The following TMEM74 variants were observed in gnomAD, a reference collection of about 807,000 sequenced individuals.
TMEM74 encodes the protein transmembrane protein 74.
In TMEM74, 13 loss-of-function variants were observed where a neutral mutation model predicts 18.1. The ratio of observed to expected loss-of-function variants is 0.72; its 90% CI spans 0.47 to 1.14. The LOEUF is 1.14. Ranked by LOEUF, TMEM74 falls within the 50% of genes most tolerant of loss-of-function variation. TMEM74 has a pLI of 0.00. For missense variants in TMEM74, 372 were observed against 375.9 expected, an observed-to-expected ratio of 0.99 and a Z score of 0.09; for synonymous variants, 159 against 146.6, an observed-to-expected ratio of 1.08 and a Z score of -0.61.
In TMEM74 at chr8:108,784,485, T is replaced by C; in HGVS notation, c.614A>G (p.Asp205Gly). ...CTCCCGGGCTGCCACAGTGTTGGGG[T>C]CCACAGTCACTTCCCGTGGGACGAT... is the stretch of plus-strand genomic sequence containing the variant. ...SYIVPREVTV[D>G]PNTVAAREME... Residue 205 changes from aspartate to glycine, a missense_variant, in exon 2 of 2, where the codon GAC becomes GGC. Coordinates refer to ENST00000297459, the MANE Select transcript of TMEM74 (RefSeq NM_153015.3). The C allele has an allele frequency of 6.2e-7, 1 of 1,614,108 alleles. No individual in the cohort carries two copies. The highest frequency in any genetic ancestry group is 8.5e-7 in the Non-Finnish European group (1 of 1,180,030).
rs188091008 is a variant in TMEM74, at chr8:108,767,957, A to G, written n.119+19519T>C. On this transcript the variant is annotated intron_variant and non_coding_transcript_variant, in intron 1 of 3. Transcript: ENST00000518838. ...TTGAAATCAAATGATACGCTTCCAC[A>G]TGTATTTGTAAAAATTTCATGAAAA... Among the ~76,000 whole-genome samples the G allele has an allele frequency of 1.5e-4, 23 of 152,224 alleles. No homozygotes were observed. The East Asian group carries it at 2.1e-3, about 14-fold the overall frequency.
At chr8:108,726,327 C>T (rs1173907195) in intron 1 of TMEM74, among the ~76,000 whole-genome samples, 1 of 152,110 alleles carries the variant, frequency 6.6e-6, no homozygotes, top group Non-Finnish European at 1.5e-5. Context: ...GTTTATGTGT[C>T]ACTTGGAAAG....
chr8:108,618,144 G>A (rs987192124), intron 2 of TMEM74, among the ~76,000 whole-genome samples: 1 of 152,138 alleles, frequency 6.6e-6, no homozygotes, highest in African/African-American at 2.4e-5. Context: ...AGCCTTTTAT[G>A]CCTATTGCCT....
chr8:108,695,225 G>A (rs1456163557), intron 1 of TMEM74, among the ~76,000 whole-genome samples: 2 of 152,068 alleles, frequency 1.3e-5, no homozygotes, highest in African/African-American at 4.8e-5. Context: ...TCTTCATCTG[G>A]GCTTGAACTG....
rs182318823 is a variant in TMEM74 at position 108,662,453 on chromosome 8, C to T, written n.120-7016G>A. Among the ~76,000 whole-genome samples the T allele has an allele frequency of 3.6e-3, 545 of 151,674 alleles. 1 individual carries two copies. Among genetic ancestry groups the T allele is most frequent in the Non-Finnish European group, 5.6e-3 (380 of 68,010 alleles). On this transcript the variant is annotated intron_variant and non_coding_transcript_variant, in intron 1 of 3. Transcript: ENST00000518838. ...TGAGAACTTTAAGGAAAGGGAGTTG[C>T]TCTTATTGAGGTTTTTAAGATTTCT...
At chr8:108,625,276 G>A (rs917110282) in intron 2 of TMEM74, among the ~76,000 whole-genome samples, 4 of 152,168 alleles carry the variant, frequency 2.6e-5, no homozygotes, top group East Asian at 1.9e-4. Context: ...GAACATGAAA[G>A]CAAGGTTCCA....
At chr8:108,673,495 G>C (rs1346236346) in intron 1 of TMEM74, among the ~76,000 whole-genome samples, 1 of 152,184 alleles carries the variant, frequency 6.6e-6, no homozygotes, top group African/African-American at 2.4e-5. Flanking sequence ...AGGACACCTA[G>C]GGCTGAATGT....
At chr8:108,739,151 A>G (rs1342205768) in intron 1 of TMEM74, among the ~76,000 whole-genome samples, 1 of 152,190 alleles carries the variant, frequency 6.6e-6, no homozygotes, top group East Asian at 1.9e-4. Flanking sequence ...ATAAATAAAT[A>G]AATAACAATT....
chr8:108,627,357 G>A (rs2130548754), intron 2 of TMEM74, among the ~76,000 whole-genome samples: 1 of 152,074 alleles, frequency 6.6e-6, no homozygotes, highest in East Asian at 1.9e-4. Flanking sequence ...GTATGACATA[G>A]AAACATGGGA....
chr8:108,719,580 T>C (rs972376256), intron 1 of TMEM74, among the ~76,000 whole-genome samples: 9 of 152,164 alleles, frequency 5.9e-5, no homozygotes, highest in African/African-American at 1.9e-4. Context: ...AAACTTATTG[T>C]TTTTATATTT....
chr8:108,687,736 T>C (rs1813185487), intron 1 of TMEM74, among the ~76,000 whole-genome samples: 1 of 152,098 alleles, frequency 6.6e-6, no homozygotes, highest in African/African-American at 2.4e-5. Flanking sequence ...TAGGGTTTCA[T>C]ACTCCTATGA....
chr8:108,698,671 C>G (rs1315683524), intron 1 of TMEM74, among the ~76,000 whole-genome samples: 1 of 152,192 alleles, frequency 6.6e-6, no homozygotes. Context: ...TCCTTCATGA[C>G]TGTAGGAGTT....
chr8:108,690,159 A>G (rs1813211155), intron 1 of TMEM74, among the ~76,000 whole-genome samples: 1 of 152,138 alleles, frequency 6.6e-6, no homozygotes, highest in Non-Finnish European at 1.5e-5. Flanking sequence ...AGATGATTTT[A>G]AAAGTCAGAG....
At chr8:108,734,378 A>T (rs1813724991) in intron 1 of TMEM74, among the ~76,000 whole-genome samples, 1 of 152,030 alleles carries the variant, frequency 6.6e-6, no homozygotes, top group African/African-American at 2.4e-5. Context: ...TTCCATAATC[A>T]AGTGAGCCAA....
chr8:108,663,699 GA>G (rs1188515380), intron 1 of TMEM74, among the ~76,000 whole-genome samples: 2 of 152,094 alleles, frequency 1.3e-5, no homozygotes, highest in Non-Finnish European at 2.9e-5. Flanking sequence ...GCAAAGACAG[GA>G]AATCAACCCA....
downstream of TMEM74, among the ~76,000 whole-genome samples, chr8:108,776,728 C>CATGATGATG (rs71305917): frequency 0.036 from 5,390 of 147,964 alleles, 278 homozygotes; most frequent in African/African-American, 0.11. Flanking sequence ...GCAGTTTCCA[C>CATGATGATG]ATGATGATGA....
rs1157438431 is a variant in TMEM74, at chr8:108,783,542, A to C, written c.*639T>G. The C allele has an allele frequency of 6.6e-6, 1 of 152,142 alleles. No homozygotes were observed. Among genetic ancestry groups the C allele is most frequent in the Non-Finnish European group, 1.5e-5 (1 of 68,040 alleles). The allele number at this position is 152,142 out of a possible 1,614,324, so 9.4% of individuals were successfully genotyped here. Reference sequence around the variant, plus strand: ...TCACATTGGTCTTACAATGATTTACATAATTTTTTTTTATTAGAAAGTTTA... The same window carrying C: ...TCACATTGGTCTTACAATGATTTACCTAATTTTTTTTTATTAGAAAGTTTA... On this transcript the variant is annotated 3_prime_UTR_variant, in exon 2 of 2. Coordinates refer to ENST00000297459, the MANE Select transcript of TMEM74 (RefSeq NM_153015.3).
At chr8:108,681,938 C>A (rs1363868716) in intron 1 of TMEM74, among the ~76,000 whole-genome samples, 1 of 152,124 alleles carries the variant, frequency 6.6e-6, no homozygotes, top group East Asian at 1.9e-4. Flanking sequence ...TCCAAGCCAC[C>A]ATTACTTCCT....
In TMEM74 at chr8:108,779,505, CATG is replaced by C. The variant is rs1563549684; in HGVS notation, c.*4673_*4675del. ...ATAATTTCCAAATATCTCACACTCT[CATG>C]AGCCTGAAATTGAGAGGTTAAAAAA... On this transcript the variant is annotated 3_prime_UTR_variant, in exon 2 of 2. Transcript: ENST00000297459. 6.6e-6 allele frequency among the ~76,000 whole-genome samples: 1 copy of C among 152,102 alleles called. No individual in the cohort carries two copies. The highest frequency in any genetic ancestry group is 2.4e-5 in the African/African-American group (1 of 41,432).
Sources: allele counts gnomAD v4.1 joint callset (sites outside exome capture counted in the v4.1 genomes callset), GRCh38; gene constraint gnomAD v4.1.1; transcripts MANE v1.5; gene names NCBI Gene and HGNC (gene_info 2026-07-23, HGNC 2026-07-21).